Variants in FAM81B observed in about 807,000 individuals in gnomAD.
FAM81B encodes protein FAM81B.
A neutral mutation model predicts 58.7 loss-of-function variants in FAM81B; 60 were observed. That is an observed-to-expected ratio of 1.02 (90% CI 0.83 to 1.27). The LOEUF is 1.27. Ranked by LOEUF, FAM81B falls within the 50% of genes most tolerant of loss-of-function variation. The probability of loss-of-function intolerance (pLI) is 0.00; values close to 1 mark genes in which losing one functional copy is unlikely to be tolerated. For missense variants in FAM81B, 491 were observed against 522.0 expected, an observed-to-expected ratio of 0.94 and a Z score of 0.58; for synonymous variants, 189 against 179.6, an observed-to-expected ratio of 1.05 and a Z score of -0.42.
intron 5 of FAM81B, among the ~76,000 whole-genome samples, chr5:95,424,763 G>GA (rs1762779467): frequency 6.6e-6 from 1 of 151,206 alleles, no homozygotes; most frequent in Non-Finnish European, 1.5e-5. Context: ...GGAAGGGTCA[G>GA]AAACCACTGT....
At chr5:95,423,329 C>A (rs931777292) in intron 5 of FAM81B, among the ~76,000 whole-genome samples, 1 of 152,080 alleles carries the variant, frequency 6.6e-6, no homozygotes, top group Non-Finnish European at 1.5e-5. Flanking sequence ...GCTTTTGATA[C>A]CCTGTCCTTT....
At chr5:95,406,859 C>T (rs1314826786) in intron 3 of FAM81B, among the ~76,000 whole-genome samples, 1 of 152,130 alleles carries the variant, frequency 6.6e-6, no homozygotes, top group African/African-American at 2.4e-5. Flanking sequence ...TTTCTTTCTG[C>T]ACTTTGTCTC....
chr5:95,437,508 T>C (rs1438347333), intron 7 of FAM81B, among the ~76,000 whole-genome samples: 1 of 152,130 alleles, frequency 6.6e-6, no homozygotes, highest in Non-Finnish European at 1.5e-5. Flanking sequence ...CGACACCTAA[T>C]TTTGTATTTT....
At chr5:95,413,224 A>G (rs548723441) in intron 3 of FAM81B, among the ~76,000 whole-genome samples, 2 of 152,318 alleles carry the variant, frequency 1.3e-5, no homozygotes, top group African/African-American at 4.8e-5. Flanking sequence ...AACATTGAGA[A>G]TAGATCTTTC....
intron 4 of FAM81B, among the ~76,000 whole-genome samples, chr5:95,419,893 G>A (rs1374132740): frequency 6.6e-6 from 1 of 152,152 alleles, no homozygotes; most frequent in African/African-American, 2.4e-5. Flanking sequence ...TTTGTGAAAA[G>A]CTTTTATGTC....
In FAM81B at chr5:95,415,592, A is replaced by G. The variant is rs1046986089; in HGVS notation, c.537+1402A>G. Among the ~76,000 whole-genome samples, 12 of 152,236 alleles carry G rather than the reference A, an allele frequency of 7.9e-5. No homozygotes were observed. In the South Asian group the frequency reaches 2.3e-3, roughly 29 times the overall value. ...AAGGTATTTCCATGCATAATGAAGT[A>G]TCATGAAAGTGACAAGAGGCAAGCA... On this transcript the variant is annotated intron_variant, in intron 4 of 9. Transcript: ENST00000283357.
chr5:95,396,009 T>A, intron 2 of FAM81B, 102 bp from the exon 3 acceptor site: 1 of 879,816 alleles, frequency 1.1e-6, no homozygotes, highest in Non-Finnish European at 1.8e-6. Flanking sequence ...TGGTCTATGG[T>A]ATACATTTTG....
intron 7 of FAM81B, among the ~76,000 whole-genome samples, chr5:95,442,826 T>A (rs1220675858): frequency 6.6e-6 from 1 of 152,212 alleles, no homozygotes; most frequent in Non-Finnish European, 1.5e-5. Flanking sequence ...TGGAACTAAT[T>A]TTTGGTTTCT....
chr5:95,430,843 A>ATT (rs1220907766), intron 6 of FAM81B, among the ~76,000 whole-genome samples: 6 of 152,088 alleles, frequency 3.9e-5, no homozygotes, highest in African/African-American at 1.4e-4. Context: ...CTGTGTCTCC[A>ATT]TTGCCTCACC....
At chr5:95,394,543 C>T (rs937644706) in intron 2 of FAM81B, among the ~76,000 whole-genome samples, 3 of 152,206 alleles carry the variant, frequency 2.0e-5, no homozygotes, top group Non-Finnish European at 2.9e-5. Flanking sequence ...AGTGAAAACA[C>T]TCTCCACGGC....
At chr5:95,429,618 T>C (rs960746804) in intron 6 of FAM81B, among the ~76,000 whole-genome samples, 25 of 152,328 alleles carry the variant, frequency 1.6e-4, no homozygotes, top group African/African-American at 5.3e-4. Context: ...TTAGGCCCAA[T>C]AATTTTTAAA....
chr5:95,437,049 T>C, intron 7 of FAM81B, 143 bp downstream of exon 7: 1 of 560,676 alleles, frequency 1.8e-6, no homozygotes, highest in Non-Finnish European at 3.1e-6. Context: ...CAGAGAATAT[T>C]TTACACTAAA....
chr5:95,414,036 T>G lies in FAM81B; in HGVS notation c.383T>G (p.Leu128Arg). The change falls in exon 4 of 10, where the codon CTT becomes CGT. Residue 128 changes from leucine (L) to arginine (R), a missense_variant. Leu to Arg is a moderately radical substitution (Grantham distance 102, BLOSUM62 -2). Coordinates refer to ENST00000283357, the MANE Select transcript of FAM81B (RefSeq NM_152548.3). ...LNNQARTIAF[L>R]LEQAFRIKED... The stretch of plus-strand genomic sequence containing the variant: ...AACCAGGCGCGTACCATAGCTTTCC[T>G]TCTTGAACAAGCCTTCCGCATCAAG... The G allele has an allele frequency of 1.9e-6, 3 of 1,614,074 alleles. No homozygotes were observed. The highest frequency in any genetic ancestry group is 2.5e-6 in the Non-Finnish European group (3 of 1,180,016).
intron 3 of FAM81B, chr5:95,410,894 A>T (rs917901511): frequency 1.3e-5 from 2 of 152,222 alleles, no homozygotes; most frequent in Admixed American, 1.3e-4. Context: ...TGAGACATTG[A>T]AACATTTCTT....
intron 4 of FAM81B, among the ~76,000 whole-genome samples, chr5:95,418,687 G>A (rs1762600936): frequency 6.6e-6 from 1 of 151,962 alleles, no homozygotes; most frequent in Admixed American, 6.6e-5. Context: ...ATCCACTGGG[G>A]GTCTTAGAAC....
chr5:95,418,280 T>C (rs1762587394), intron 4 of FAM81B, among the ~76,000 whole-genome samples: 1 of 152,148 alleles, frequency 6.6e-6, no homozygotes, highest in African/African-American at 2.4e-5. Flanking sequence ...AACCCTTATT[T>C]TACTTAATAA....
At chr5:95,410,633 CT>C (rs1762381430) in intron 3 of FAM81B, 1 of 152,100 alleles carries the variant, frequency 6.6e-6, no homozygotes. Context: ...TACTATATAT[CT>C]ATACATCTAC....
chr5:95,399,282 CA>C (rs1271785840), intron 3 of FAM81B, among the ~76,000 whole-genome samples: 2 of 152,172 alleles, frequency 1.3e-5, no homozygotes, highest in Non-Finnish European at 2.9e-5. Flanking sequence ...TTCTTAGCAC[CA>C]TGGCAGACAC....
Position 95,446,614 on chromosome 5 carries a change from T to C in FAM81B, c.946T>C (p.Trp316Arg). The C allele has an allele frequency of 6.2e-7, 1 of 1,612,934 alleles. No individual in the cohort carries two copies. The highest frequency in any genetic ancestry group is 2.2e-5 in the East Asian group (1 of 44,860). Residue 316 changes from tryptophan to arginine, a missense_variant, in exon 8 of 10, where the codon TGG (tryptophan) becomes CGG (arginine). By Grantham distance (101) the Trp-to-Arg change is moderately radical. Coordinates refer to ENST00000283357, the MANE Select transcript of FAM81B (RefSeq NM_152548.3). The part of the protein sequence containing the change: ...LYEEVENNKK[W>R]TENQFLKYRK... ...CGAAGAAGTTGAGAATAATAAAAAA[T>C]GGACAGAAAACCAATTTCTCAAATA...
Sources: gnomAD v4.1 joint callset for allele counts (sites outside exome capture counted in the v4.1 genomes callset) on GRCh38, gnomAD v4.1.1 for gene constraint, MANE v1.5 for transcripts, NCBI Gene and HGNC (gene_info 2026-07-23, HGNC 2026-07-21) for gene names.